CLSTN2: variants seen among roughly 807,000 people sequenced by gnomAD.
The protein encoded by CLSTN2 is calsyntenin 2, also known as calsyntenin-2.
Under a neutral mutation model 101.2 loss-of-function variants are expected in CLSTN2, and 48 were observed. The observed-to-expected ratio is 0.47, with a 90% CI of 0.38 to 0.60. The LOEUF (loss-of-function observed/expected upper bound fraction) is 0.60. Ranked by LOEUF, CLSTN2 falls within the 20% of genes least tolerant of loss-of-function variation. The pLI is 0.00. For synonymous variants in CLSTN2, 481 were observed against 463.6 expected, an observed-to-expected ratio of 1.04 and a Z score of -0.48; for missense variants, 1,160 against 1,238.2, an observed-to-expected ratio of 0.94 and a Z score of 0.95.
intron 11 of CLSTN2, among the ~76,000 whole-genome samples, chr3:140,558,313 T>C (rs913989224): frequency 6.6e-6 from 1 of 152,210 alleles, no homozygotes; most frequent in Non-Finnish European, 1.5e-5. Context: ...GCTTACCAAA[T>C]ACTAAAGCAC....
chr3:140,458,483 T>C (rs963220199), intron 6 of CLSTN2, among the ~76,000 whole-genome samples: 4 of 152,160 alleles, frequency 2.6e-5, no homozygotes, highest in African/African-American at 9.7e-5. Context: ...GAAAGAATTC[T>C]GTATTTGAGC....
intron 8 of CLSTN2, among the ~76,000 whole-genome samples, chr3:140,474,875 G>T (rs1431521663): frequency 6.6e-6 from 1 of 152,190 alleles, no homozygotes; most frequent in Non-Finnish European, 1.5e-5. Flanking sequence ...CCAAAGGGGT[G>T]CAGAAGCAGT....
chr3:140,188,961 C>G (rs890514942), intron 2 of CLSTN2, among the ~76,000 whole-genome samples: 4 of 152,194 alleles, frequency 2.6e-5, no homozygotes, highest in Non-Finnish European at 5.9e-5. Flanking sequence ...TTGGCAACAA[C>G]TTACCTGTTC....
intron 1 of CLSTN2, among the ~76,000 whole-genome samples, chr3:140,105,941 A>G (rs2009050629): frequency 6.6e-6 from 1 of 152,130 alleles, no homozygotes; most frequent in Non-Finnish European, 1.5e-5. Context: ...TCAATGTGGA[A>G]ATCATCCCCT....
At chr3:140,368,799 C>T (rs1476251635) in intron 2 of CLSTN2, among the ~76,000 whole-genome samples, 1 of 152,190 alleles carries the variant, frequency 6.6e-6, no homozygotes, top group Non-Finnish European at 1.5e-5. Flanking sequence ...GACTCTGTGA[C>T]TTTTTGTGTG....
At chr3:140,306,765 C>T (rs1006388020) in intron 2 of CLSTN2, among the ~76,000 whole-genome samples, 2 of 152,096 alleles carry the variant, frequency 1.3e-5, no homozygotes, top group African/African-American at 2.4e-5. Flanking sequence ...ATGAGTCTGT[C>T]ACTGAAGTGG....
At chr3:140,441,831 T>C (rs2088769696) in intron 5 of CLSTN2, among the ~76,000 whole-genome samples, 1 of 152,196 alleles carries the variant, frequency 6.6e-6, no homozygotes, top group Admixed American at 6.5e-5. Context: ...GTCCTTGTCT[T>C]CTGGCTCCAA....
intron 1 of CLSTN2, among the ~76,000 whole-genome samples, chr3:140,015,497 G>T (rs2007181888): frequency 6.6e-6 from 1 of 152,200 alleles, no homozygotes; most frequent in East Asian, 1.9e-4. Context: ...TACACTGGAG[G>T]TTGGTCAACA....
chr3:140,206,310 TCTC>T (rs2010781564), intron 2 of CLSTN2, among the ~76,000 whole-genome samples: 1 of 152,104 alleles, frequency 6.6e-6, no homozygotes. Context: ...GAGAGACACA[TCTC>T]CTATAGATTG....
intron 2 of CLSTN2, among the ~76,000 whole-genome samples, chr3:140,183,722 A>G (rs1192947913): frequency 2.4e-4 from 36 of 152,184 alleles, no homozygotes; most frequent in Non-Finnish European, 2.9e-5. Flanking sequence ...ACTGAAAACA[A>G]CTTGTACACA....
chr3:140,336,612 T>C (rs1323789851), intron 2 of CLSTN2, among the ~76,000 whole-genome samples: 1 of 152,060 alleles, frequency 6.6e-6, no homozygotes, highest in Non-Finnish European at 1.5e-5. Context: ...CAGTGTGGGG[T>C]TGGGAACTTA....
intron 4 of CLSTN2, among the ~76,000 whole-genome samples, chr3:140,406,311 T>A (rs2088301277): frequency 6.6e-6 from 1 of 152,220 alleles, no homozygotes; most frequent in African/African-American, 2.4e-5. Context: ...TCCCTGTCTT[T>A]AAGTAGCTTA....
intron 1 of CLSTN2, among the ~76,000 whole-genome samples, chr3:140,110,515 C>T (rs1165504424): frequency 6.6e-6 from 1 of 152,206 alleles, no homozygotes; most frequent in Non-Finnish European, 1.5e-5. Flanking sequence ...TTTCACTTTG[C>T]TATTCCTTCA....
At chr3:140,292,094 A>T (rs1475775611) in intron 2 of CLSTN2, among the ~76,000 whole-genome samples, 1 of 152,064 alleles carries the variant, frequency 6.6e-6, no homozygotes, top group African/African-American at 2.4e-5. Context: ...TACAGTAAAA[A>T]CAATGCCTCT....
intron 1 of CLSTN2, among the ~76,000 whole-genome samples, chr3:139,945,195 G>A (rs1240668894): frequency 6.6e-6 from 1 of 152,130 alleles, no homozygotes; most frequent in Non-Finnish European, 1.5e-5. Flanking sequence ...AACCACTGTG[G>A]AGTATCAAAG....
chr3:140,224,069 G>A (rs1335945375), intron 2 of CLSTN2, among the ~76,000 whole-genome samples: 1 of 152,160 alleles, frequency 6.6e-6, no homozygotes, highest in Non-Finnish European at 1.5e-5. Context: ...TACCCTTACA[G>A]TATAGTGAGT....
intron 2 of CLSTN2, among the ~76,000 whole-genome samples, chr3:140,320,001 A>G (rs2087266403): frequency 6.6e-6 from 1 of 152,210 alleles, no homozygotes; most frequent in African/African-American, 2.4e-5. Context: ...TGTCCTAAAC[A>G]AACGTCCTTG....
Position 140,558,829 on chromosome 3 carries a change from C to A in CLSTN2, c.2013C>A (p.Thr671=), listed in dbSNP as rs774326053. 6.2e-7 allele frequency: 1 copy of A among 1,613,888 alleles called. No individual in the cohort carries two copies. Among genetic ancestry groups the A allele is most frequent in the East Asian group, 2.2e-5 (1 of 44,856 alleles). Residue 671 remains threonine (T), a synonymous_variant, in exon 12 of 17, where the codon ACC becomes ACA. Transcript: ENST00000458420. ...DIKIVSTFAK[T]EAPGDVKTTD... ...AGATTGTGAGCACCTTCGCCAAAAC[C>A]GAAGCCCCCGGGGACGTGAAAACCA...
At chr3:140,043,644 T>C (rs1327996156) in intron 1 of CLSTN2, among the ~76,000 whole-genome samples, 2 of 152,230 alleles carry the variant, frequency 1.3e-5, no homozygotes, top group Non-Finnish European at 2.9e-5. Context: ...CTTCTAGGGT[T>C]TTTATGGTTT....
Sources: gnomAD v4.1 joint callset for allele counts (sites outside exome capture counted in the v4.1 genomes callset) on GRCh38, gnomAD v4.1.1 for gene constraint, MANE v1.5 for transcripts, NCBI Gene and HGNC (gene_info 2026-07-23, HGNC 2026-07-21) for gene names.